The following KCNIP1 variants were observed in gnomAD, a reference collection of about 807,000 sequenced individuals.
KCNIP1 encodes A-type potassium channel modulatory protein KCNIP1.
KCNIP1 carries 18 observed loss-of-function variants against 33.0 expected under a neutral mutation model. The ratio of observed to expected loss-of-function variants is 0.55; its 90% CI spans 0.38 to 0.81. The LOEUF (loss-of-function observed/expected upper bound fraction) is 0.81. Among genes scored for constraint, KCNIP1 ranks in the 30% least tolerant of loss-of-function variants. The pLI, the probability that KCNIP1 is intolerant of heterozygous loss-of-function variation, is 0.00. For synonymous variants in KCNIP1, 93 were observed against 98.3 expected (o/e 0.95, Z 0.32); for missense variants, 238 against 271.6 (o/e 0.88, Z 0.87).
intron 1 of KCNIP1, among the ~76,000 whole-genome samples, chr5:170,436,289 G>A (rs182338032): frequency 8.5e-5 from 13 of 152,220 alleles, no homozygotes; most frequent in African/African-American, 2.4e-4. Flanking sequence ...GACTGTAGAC[G>A]CTGGGTAAAG....
At chr5:170,509,239 G>A (rs1303304378) in intron 1 of KCNIP1, among the ~76,000 whole-genome samples, 1 of 152,208 alleles carries the variant, frequency 6.6e-6, no homozygotes, top group Non-Finnish European at 1.5e-5. Context: ...GCTGAGAACA[G>A]TGATTCTACT....
chr5:170,692,129 C>T (rs887268559), intron 1 of KCNIP1, among the ~76,000 whole-genome samples: 3 of 152,128 alleles, frequency 2.0e-5, no homozygotes, highest in African/African-American at 7.2e-5. Context: ...ACATGCAACA[C>T]ATTCATTGGC....
At chr5:170,435,383 C>T (rs372735384) in intron 1 of KCNIP1, among the ~76,000 whole-genome samples, 3 of 152,202 alleles carry the variant, frequency 2.0e-5, no homozygotes, top group East Asian at 1.9e-4. Context: ...AAACCAGAAA[C>T]GGGACTTTGA....
At chr5:170,530,923 C>A (rs945690947) in intron 1 of KCNIP1, among the ~76,000 whole-genome samples, 6 of 152,172 alleles carry the variant, frequency 3.9e-5, no homozygotes, top group African/African-American at 1.4e-4. Context: ...CTGCAGAGGC[C>A]TCCATGGTAG....
At chr5:170,660,781 C>G (rs1265270268) in intron 1 of KCNIP1, among the ~76,000 whole-genome samples, 1 of 152,254 alleles carries the variant, frequency 6.6e-6, no homozygotes, top group African/African-American at 2.4e-5. Context: ...CCACGCCCAG[C>G]AGAGCTCAGC....
chr5:170,594,355 T>C (rs2113561890), intron 1 of KCNIP1, among the ~76,000 whole-genome samples: 1 of 152,190 alleles, frequency 6.6e-6, no homozygotes, highest in South Asian at 2.1e-4. Context: ...GTCCTCACCT[T>C]GGGTAGAAAG....
chr5:170,531,433 C>T (rs564709034), intron 1 of KCNIP1, among the ~76,000 whole-genome samples: 8 of 152,268 alleles, frequency 5.3e-5, no homozygotes, highest in South Asian at 4.2e-4. Flanking sequence ...GTTCCAGGGA[C>T]GCTTAAGCCT....
intron 1 of KCNIP1, among the ~76,000 whole-genome samples, chr5:170,559,565 T>A (rs1461214240): frequency 6.6e-6 from 1 of 152,088 alleles, no homozygotes; most frequent in Non-Finnish European, 1.5e-5. Flanking sequence ...CCAGGCTGAG[T>A]CTTATGTTTG....
rs139017557 is a variant in KCNIP1 at position 170,700,775 on chromosome 5, T to G, written c.62-17983T>G. Among the ~76,000 whole-genome samples, 821 of 152,260 alleles carry G rather than the reference T, an allele frequency of 5.4e-3. 5 individuals carry two copies. Among genetic ancestry groups the G allele is most frequent in the Non-Finnish European group, 8.4e-3 (573 of 68,026 alleles). On this transcript the variant is annotated intron_variant, in intron 1 of 7. Transcript: ENST00000328939. ...TGGGACACGCACACAATAGAAATGT[T>G]CACATTTTACTAGGCAATGCCAGTC... is the stretch of plus-strand genomic sequence containing the variant.
chr5:170,726,675 G>A (rs1482124215), intron 5 of KCNIP1, among the ~76,000 whole-genome samples: 2 of 148,218 alleles, frequency 1.3e-5, no homozygotes, highest in Non-Finnish European at 3.0e-5. Flanking sequence ...TGAGGCAGGC[G>A]GATCACTTGA....
intron 1 of KCNIP1, among the ~76,000 whole-genome samples, chr5:170,379,638 A>G (rs1435614016): frequency 2.0e-5 from 3 of 152,210 alleles, no homozygotes; most frequent in Non-Finnish European, 4.4e-5. Flanking sequence ...CAGAAGATCT[A>G]TAATAGCCAG....
chr5:170,448,150 TA>T (rs1756162682), intron 1 of KCNIP1, among the ~76,000 whole-genome samples: 1 of 152,138 alleles, frequency 6.6e-6, no homozygotes, highest in African/African-American at 2.4e-5. Flanking sequence ...TTGTTAGTAG[TA>T]GTTAGTATAG....
chr5:170,730,244 G>A (rs1764149339), intron 5 of KCNIP1, among the ~76,000 whole-genome samples: 2 of 152,110 alleles, frequency 1.3e-5, no homozygotes, highest in South Asian at 4.1e-4. Context: ...ATAGGATTTA[G>A]TTGGTCTTCA....
chr5:170,628,502 G>A (rs1043193692), intron 1 of KCNIP1, among the ~76,000 whole-genome samples: 2 of 152,090 alleles, frequency 1.3e-5, no homozygotes, highest in African/African-American at 2.4e-5. Flanking sequence ...GTGTGTGTGC[G>A]TTTCTGGCCA....
At chr5:170,684,763 G>A (rs1762480644) in intron 1 of KCNIP1, among the ~76,000 whole-genome samples, 1 of 152,144 alleles carries the variant, frequency 6.6e-6, no homozygotes, top group African/African-American at 2.4e-5. Flanking sequence ...TCTGCAACCT[G>A]AGCCACAAAC....
chr5:170,370,330 C>T (rs1278890235), intron 1 of KCNIP1, among the ~76,000 whole-genome samples: 1 of 152,022 alleles, frequency 6.6e-6, no homozygotes, highest in Non-Finnish European at 1.5e-5. Flanking sequence ...TACAATGCAC[C>T]CTGTAAAACA....
chr5:170,449,593 G>A (rs963599149), intron 1 of KCNIP1, among the ~76,000 whole-genome samples: 1 of 152,152 alleles, frequency 6.6e-6, no homozygotes, highest in East Asian at 1.9e-4. Context: ...CTATAACCTA[G>A]GGCTAAAAAT....
upstream of KCNIP1, among the ~76,000 whole-genome samples, chr5:170,503,827 T>C (rs1341812680): frequency 6.6e-6 from 1 of 151,208 alleles, no homozygotes; most frequent in Non-Finnish European, 1.5e-5. Flanking sequence ...ATCAGCCAGG[T>C]GCCTGGCCCC....
chr5:170,557,702 G>C (rs1211447554), intron 1 of KCNIP1, among the ~76,000 whole-genome samples: 1 of 152,206 alleles, frequency 6.6e-6, no homozygotes. Flanking sequence ...CAAAGGCCCT[G>C]AGGAGAGAAC....
Sources: allele counts gnomAD v4.1 joint callset (sites outside exome capture counted in the v4.1 genomes callset), GRCh38; gene constraint gnomAD v4.1.1; transcripts MANE v1.5; gene names NCBI Gene and HGNC (gene_info 2026-07-23, HGNC 2026-07-21).